Variants in CBR4 observed in about 807,000 individuals in gnomAD.
The protein encoded by CBR4 is carbonyl reductase 4, also known as 3-oxoacyl-[acyl-carrier-protein] reductase.
In CBR4, 22 loss-of-function variants were observed where a neutral mutation model predicts 21.0. The ratio of observed to expected loss-of-function variants is 1.05; its 90% CI spans 0.75 to 1.50. CBR4 has a LOEUF of 1.50. Ranked by LOEUF, CBR4 falls within the 40% of genes most tolerant of loss-of-function variation. The probability of loss-of-function intolerance (pLI) is 0.00; values close to 1 mark genes in which losing one functional copy is unlikely to be tolerated. For missense variants in CBR4, 302 were observed against 286.3 expected, an observed-to-expected ratio of 1.05 and a Z score of -0.40; for synonymous variants, 100 against 104.4, an observed-to-expected ratio of 0.96 and a Z score of 0.26.
intron 1 of CBR4, 37 bp downstream of exon 1, chr4:169,009,911 C>T: frequency 6.3e-7 from 1 of 1,583,266 alleles, no homozygotes; most frequent in Non-Finnish European, 8.6e-7. Flanking sequence ...GCCTGGACCG[C>T]GGCCATACAA....
chr4:168,952,415 G>T (rs1237229200), intron 2 of CBR4, among the ~76,000 whole-genome samples: 3 of 152,070 alleles, frequency 2.0e-5, no homozygotes, highest in Non-Finnish European at 4.4e-5. Flanking sequence ...GCTTTCTGGG[G>T]TAAATCAGAA....
intron 2 of CBR4, among the ~76,000 whole-genome samples, chr4:168,973,060 A>ACTTC (rs1764259530): frequency 6.6e-6 from 1 of 152,120 alleles, no homozygotes; most frequent in African/African-American, 2.4e-5. Flanking sequence ...ACTTCTGTTT[A>ACTTC]TGTGGTGTAT....
chr4:169,000,681 G>A (rs1730356977), intron 4 of CBR4, among the ~76,000 whole-genome samples: 1 of 152,124 alleles, frequency 6.6e-6, no homozygotes, highest in African/African-American at 2.4e-5. Context: ...TGGCTAACTG[G>A]CAGAGGTAGA....
At chr4:168,997,375 G>A (rs946594798) in intron 4 of CBR4, among the ~76,000 whole-genome samples, 4 of 152,186 alleles carry the variant, frequency 2.6e-5, no homozygotes, top group Non-Finnish European at 4.4e-5. Context: ...TTTAGGAACA[G>A]GGACACTCTT....
chr4:168,951,151 C>T (rs1052644995), intron 2 of CBR4, among the ~76,000 whole-genome samples: 2 of 152,068 alleles, frequency 1.3e-5, no homozygotes, highest in African/African-American at 4.8e-5. Flanking sequence ...CTCCACCTCC[C>T]AGGTACAAGC....
chr4:168,896,986 C>T (rs1424093812), intron 2 of CBR4, among the ~76,000 whole-genome samples: 1 of 152,174 alleles, frequency 6.6e-6, no homozygotes, highest in African/African-American at 2.4e-5. Context: ...TGCATGCCAA[C>T]ATGCCTGGCT....
chr4:169,001,674 CCT>C (rs1394119953), intron 4 of CBR4: 4 of 152,778 alleles, frequency 2.6e-5, no homozygotes, highest in Non-Finnish European at 5.8e-5. Context: ...CCTGCCACCT[CCT>C]CTCTCTCTTG....
At chr4:168,925,465 A>C (rs568057214) in intron 2 of CBR4, 3 of 615,946 alleles carry the variant, frequency 4.9e-6, no homozygotes, top group East Asian at 5.7e-5. Flanking sequence ...ATTTCTTCCT[A>C]TATTCTATCG....
intron 3 of CBR4, among the ~76,000 whole-genome samples, chr4:169,002,849 G>A (rs947291810): frequency 6.6e-6 from 1 of 150,602 alleles, no homozygotes; most frequent in Non-Finnish European, 1.5e-5. Context: ...TGCTCACTCT[G>A]TGTCTCTTTG....
At chr4:168,954,593 T>A (rs1197739952) in intron 2 of CBR4, among the ~76,000 whole-genome samples, 2 of 152,362 alleles carry the variant, frequency 1.3e-5, no homozygotes, top group East Asian at 3.8e-4. Flanking sequence ...TAGCATATTC[T>A]ACACTCAGTC....
chr4:168,979,080 C>T (rs898574680), intron 2 of CBR4, among the ~76,000 whole-genome samples: 4 of 151,724 alleles, frequency 2.6e-5, no homozygotes, highest in Non-Finnish European at 5.9e-5. Context: ...GAAAAAGAGG[C>T]CACACTATTT....
intron 1 of CBR4, 52 bp downstream of exon 1, chr4:169,009,896 T>C (rs1731263685): frequency 1.3e-6 from 2 of 1,531,778 alleles, no homozygotes; most frequent in African/African-American, 1.4e-5. Context: ...AGATTTTCTT[T>C]AGGCGCCTGG....
At chr4:168,998,055 C>A (rs28434603) in intron 4 of CBR4, among the ~76,000 whole-genome samples, 1,728 of 152,278 alleles carry the variant, frequency 0.011, 47 homozygotes, top group African/African-American at 0.039. Context: ...GAGTAGCTAA[C>A]AAACTCATGC....
chr4:168,917,049 G>GGTTTTTTTTTTTTTTTTTTTTT (rs1491537610), intron 2 of CBR4, among the ~76,000 whole-genome samples: 1 of 124,876 alleles, frequency 8.0e-6, no homozygotes, highest in African/African-American at 3.2e-5. Flanking sequence ...TTTTTTTGGG[G>GGTTTTTTTTTTTTTTTTTTTTT]TTTTTTTTTT....
At chr4:168,936,689 T>C (rs538675183) in intron 2 of CBR4, among the ~76,000 whole-genome samples, 9 of 152,124 alleles carry the variant, frequency 5.9e-5, no homozygotes, top group East Asian at 5.8e-4. Flanking sequence ...ATATCAGAGA[T>C]TGAAGATCAA....
chr4:168,945,130 C>G, intron 2 of CBR4, among the ~76,000 whole-genome samples: 1 of 152,234 alleles, frequency 6.6e-6, no homozygotes, highest in Admixed American at 6.5e-5. Context: ...TCAGGAACTT[C>G]CTAGAAATGC....
rs568502080 is a variant in CBR4, at chr4:169,009,954, G to C, written c.136C>G (p.Leu46Val). 1.4e-4 allele frequency: 230 copies of C among 1,611,520 alleles called. No homozygotes were observed. The highest frequency in any genetic ancestry group is 1.9e-4 in the Non-Finnish European group (222 of 1,179,140). The change falls in exon 1 of 5, where the codon CTC (leucine) becomes GTC (valine). Residue 46 changes from leucine (L) to valine (V), a missense_variant. Transcript: ENST00000306193. ...ACTCCAGTTTGGTACCTACCGCCGA[G>C]GTCACCGGCGGCGGCTTTGGCCCCT... ...LEGAKAAAGDLGGDHLAFSCD... is the reference protein window; with the variant it reads ...LEGAKAAAGDVGGDHLAFSCD...
intron 2 of CBR4, among the ~76,000 whole-genome samples, chr4:168,947,996 A>G (rs1206081395): frequency 1.3e-5 from 2 of 152,192 alleles, no homozygotes; most frequent in Non-Finnish European, 2.9e-5. Context: ...TCCCACCAGC[A>G]GTGTAGAAGT....
intron 2 of CBR4, chr4:168,921,471 A>C: frequency 9.4e-7 from 1 of 1,061,308 alleles, no homozygotes; most frequent in Non-Finnish European, 1.4e-6. Context: ...CAGACTTCTT[A>C]GCTACCAGTG....
Sources: gnomAD v4.1 joint callset for allele counts (sites outside exome capture counted in the v4.1 genomes callset) on GRCh38, gnomAD v4.1.1 for gene constraint, MANE v1.5 for transcripts, NCBI Gene and HGNC (gene_info 2026-07-23, HGNC 2026-07-21) for gene names.